TARS2: variants seen among roughly 807,000 people sequenced by gnomAD.
The protein encoded by TARS2 is threonyl-tRNA synthetase 2, mitochondrial.
In TARS2, 61 loss-of-function variants were observed where a neutral mutation model predicts 94.4. That is an observed-to-expected ratio of 0.65 (90% confidence interval 0.53 to 0.80). The LOEUF (loss-of-function observed/expected upper bound fraction) is 0.80. Ranked by LOEUF, TARS2 falls within the 30% of genes least tolerant of loss-of-function variation. TARS2 has a pLI of 0.00. For synonymous variants in TARS2, 359 were observed against 353.4 expected (o/e 1.02, Z -0.18); for missense variants, 704 against 902.5 (o/e 0.78, Z 2.82).
intron 7 of TARS2, among the ~76,000 whole-genome samples, chr1:150,496,221 G>A (rs1364706606): frequency 6.6e-6 from 1 of 152,172 alleles, no homozygotes; most frequent in African/African-American, 2.4e-5. Flanking sequence ...AAGTAAAGGG[G>A]TAATGAGAAT....
rs1387411023 is a variant in TARS2 at position 150,505,107 on chromosome 1, CTCGAGTGGCTGCTG to C, written c.1893+132_1893+145del. ...CAGCCCTCACAGCCACAAGACTGGG[CTCGAGTGGCTGCTG>C]TCCTAGATGCTGGAAATCCTGTATC... is the stretch of plus-strand genomic sequence containing the variant. On this transcript the variant is annotated intron_variant, in intron 16 of 17. Coordinates refer to ENST00000369064, the MANE Select transcript of TARS2 (RefSeq NM_025150.5). The C allele has an allele frequency of 9.5e-6, 8 of 845,318 alleles. No homozygotes were observed. The African/African-American group carries it at 1.4e-4, about 14-fold the overall frequency. 52.4% of individuals were successfully genotyped at this position (845,318 alleles called of 1,614,324 possible).
At position 150,505,668 on chromosome 1, in the gene TARS2, C is replaced by A. The variant is rs1026053366; in HGVS notation, c.1971C>A (p.Ile657=). Residue 657 remains isoleucine (I), a synonymous_variant, in exon 17 of 18, where the codon ATC becomes ATA. Coordinates refer to ENST00000369064, the MANE Select transcript of TARS2 (RefSeq NM_025150.5). ...CTGGACTGACCCTCAGCCGGAGAAT[C>A]CGCCGGGCCCAGCTTGCCCACTACA... The part of the protein sequence containing the change: ...ADSGLTLSRR[I]RRAQLAHYNF... 1 of 1,614,194 alleles carries A rather than the reference C, an allele frequency of 6.2e-7. No individual in the cohort carries two copies. Among genetic ancestry groups the A allele is most frequent in the Non-Finnish European group, 8.5e-7 (1 of 1,180,028 alleles).
chr1:150,488,802 C>T (rs912781800), intron 2 of TARS2, among the ~76,000 whole-genome samples, 162 bp from the exon 3 acceptor site: 3 of 152,158 alleles, frequency 2.0e-5, no homozygotes, highest in African/African-American at 7.2e-5. Context: ...TCTTCATCTC[C>T]CCTCCCCCAT....
intron 13 of TARS2, among the ~76,000 whole-genome samples, chr1:150,503,514 C>CCCAT (rs1393736184): frequency 1.3e-5 from 2 of 149,906 alleles, no homozygotes; most frequent in East Asian, 3.9e-4. Context: ...ATGGTGAAAC[C>CCCAT]CCATCCCTAC....
chr1:150,507,172 G>T lies in TARS2; in HGVS notation c.*108G>T. The T allele has an allele frequency of 6.9e-7, 1 of 1,446,088 alleles. No individual in the cohort carries two copies. Among genetic ancestry groups the T allele is most frequent in the East Asian group, 2.4e-5 (1 of 42,460 alleles). The allele number at this position is 1,446,088 out of a possible 1,614,324, so 89.6% of individuals were successfully genotyped here. A position where few individuals can be genotyped will look rare whatever the true frequency, so the allele number is the denominator to read the frequency against. On this transcript the variant is annotated 3_prime_UTR_variant, in exon 18 of 18. Coordinates refer to ENST00000369064, the MANE Select transcript of TARS2 (RefSeq NM_025150.5). The stretch of plus-strand genomic sequence containing the variant: ...GGAGCCCCCAGAACTTCAGAACTGT[G>T]TGGAGGCACATGTCTGCTCTCCTGA...
chr1:150,502,385 ATTT>A (rs745871348), intron 13 of TARS2, among the ~76,000 whole-genome samples: 7 of 122,840 alleles, frequency 5.7e-5, no homozygotes, highest in Admixed American at 1.8e-4. Context: ...CGCCCAGCTA[ATTT>A]TTTTTTTTTT....
chr1:150,505,729 G>A (rs754301407), intron 17 of TARS2, 24 bp downstream of exon 17: 4 of 1,601,252 alleles, frequency 2.5e-6, no homozygotes, highest in South Asian at 1.1e-5. Flanking sequence ...CAGAGCCAAT[G>A]TTCTCCCACC....
intron 7 of TARS2, among the ~76,000 whole-genome samples, chr1:150,493,143 A>G (rs1669481202): frequency 6.6e-6 from 1 of 151,998 alleles, no homozygotes; most frequent in Non-Finnish European, 1.5e-5. Context: ...TGCTGGGATT[A>G]CAGGCATGAG....
At position 150,501,537 on chromosome 1, in the gene TARS2, C is replaced by T. The variant is rs1435360427; in HGVS notation, c.1617+2244C>T. Among the ~76,000 whole-genome samples the T allele has an allele frequency of 3.3e-5, 5 of 150,200 alleles. No individual in the cohort carries two copies. The East Asian group carries it at 5.9e-4, about 18-fold the overall frequency. On this transcript the variant is annotated intron_variant, in intron 13 of 17. Coordinates refer to ENST00000369064, the MANE Select transcript of TARS2 (RefSeq NM_025150.5). Reference sequence around the variant, plus strand: ...TTTTTTAGTAGATATGGGGTTTCACCGTGTTAGCCAGGATGGTCTCGATCT... The same window carrying T: ...TTTTTTAGTAGATATGGGGTTTCACTGTGTTAGCCAGGATGGTCTCGATCT...
At chr1:150,489,527 G>A (rs1669286836) in intron 3 of TARS2, among the ~76,000 whole-genome samples, 1 of 152,078 alleles carries the variant, frequency 6.6e-6, no homozygotes, top group Admixed American at 6.5e-5. Flanking sequence ...GAGTTCTCCT[G>A]CCATCTATGT....
At chr1:150,502,136 C>T (rs1669952217) in intron 13 of TARS2, among the ~76,000 whole-genome samples, 1 of 151,716 alleles carries the variant, frequency 6.6e-6, no homozygotes, top group Non-Finnish European at 1.5e-5. Context: ...TGGTCTTGAA[C>T]TCCCAACCTC....
intron 13 of TARS2, among the ~76,000 whole-genome samples, chr1:150,503,543 A>G (rs1334050919): frequency 4.9e-5 from 3 of 61,280 alleles, no homozygotes; most frequent in African/African-American, 1.1e-4. Flanking sequence ...AAAAATACAC[A>G]TATGTGTGTG....
At position 150,496,820 on chromosome 1, in the gene TARS2, T is replaced by C. The variant is rs1669682565; in HGVS notation, c.932T>C (p.Leu311Pro). Residue 311 changes from leucine to proline, a missense_variant, in exon 9 of 18, where the codon CTC becomes CCC. By Grantham distance (98) the Leu-to-Pro change is moderately conservative. This residue lies in a region of TARS2 where 466 missense variants were observed against 609.5 expected (regional missense o/e 0.76). Transcript: ENST00000369064. ...DHRRIGKEQE[L>P]FFFHELSPGS... ...TATTCCTGACCCCAGGAACAGGAGC[T>C]CTTCTTCTTCCATGAACTGAGCCCT... 1 of 1,613,772 alleles carries C rather than the reference T, an allele frequency of 6.2e-7. No homozygotes were observed. Among genetic ancestry groups the C allele is most frequent in the South Asian group, 1.1e-5 (1 of 91,070 alleles).
At chr1:150,506,482 G>GCA (rs1442330518) in intron 17 of TARS2, among the ~76,000 whole-genome samples, 2 of 29,906 alleles carry the variant, frequency 6.7e-5, no homozygotes, top group African/African-American at 9.2e-5. Flanking sequence ...TCAGACACGC[G>GCA]CGCGCACACA....
chr1:150,492,683 A>G (rs1570839780), intron 7 of TARS2, among the ~76,000 whole-genome samples, 194 bp downstream of exon 7: 1 of 151,270 alleles, frequency 6.6e-6, no homozygotes, highest in African/African-American at 2.4e-5. Flanking sequence ...GGTGGCACAC[A>G]CCTGTAGTCC....
rs776684409 is a variant in TARS2 at position 150,504,717 on chromosome 1, A to C, written c.1804A>C (p.Ser602Arg). Residue 602 changes from serine to arginine, a missense_variant, in exon 15 of 18, where the codon AGC becomes CGC. Ser to Arg is a moderately radical substitution (Grantham distance 110, BLOSUM62 -1). Transcript: ENST00000369064. ...VERLLGVLAESCGGKWPLWLS... is the reference protein window; with the variant it reads ...VERLLGVLAERCGGKWPLWLS... ...AAGACTGTTGGGAGTGCTGGCAGAAAGCTGCGGGGGGAAATGGTGAGACCT... is the reference window on the plus strand; with the variant it reads ...AAGACTGTTGGGAGTGCTGGCAGAACGCTGCGGGGGGAAATGGTGAGACCT... The C allele has an allele frequency of 2.5e-6, 4 of 1,614,156 alleles. No homozygotes were observed. The Admixed American group carries it at 6.7e-5, about 27-fold the overall frequency.
intron 1 of TARS2, 83 bp from the exon 2 acceptor site, chr1:150,487,774 TA>T: frequency 6.5e-7 from 1 of 1,535,478 alleles, no homozygotes; most frequent in Non-Finnish European, 8.8e-7. Context: ...GAAGTCCACT[TA>T]ACCATCCCAA....
Position 150,487,881 on chromosome 1 carries a change from C to G in TARS2, c.90C>G (p.Arg30=). Residue 30 remains arginine, a synonymous_variant, in exon 2 of 18, where the codon CGC becomes CGG. Transcript: ENST00000369064. ...LHTAVVSTPP[R]WLAERLGLFE... is the part of the protein sequence containing the mutation. ...AGGCAGTTGTGTCGACCCCTCCACG[C>G]TGGTTGGCAGAGCGGCTTGGCCTTT... 6.2e-7 allele frequency: 1 copy of G among 1,613,300 alleles called. No individual in the cohort carries two copies. Among genetic ancestry groups the G allele is most frequent in the Non-Finnish European group, 8.5e-7 (1 of 1,179,938 alleles).
At chr1:150,505,995 G>A (rs1255650960) in intron 17 of TARS2, among the ~76,000 whole-genome samples, 4 of 152,172 alleles carry the variant, frequency 2.6e-5, no homozygotes, top group East Asian at 3.8e-4. Flanking sequence ...AGAAAGGGAC[G>A]GGAGGGTTAA....
Sources: allele counts gnomAD v4.1 joint callset (sites outside exome capture counted in the v4.1 genomes callset), GRCh38; gene constraint gnomAD v4.1.1; regional missense constraint gnomAD v4.1.1; transcripts MANE v1.5; gene names NCBI Gene and HGNC (gene_info 2026-07-23, HGNC 2026-07-21).